DNAJC6: variants seen among roughly 807,000 people sequenced by gnomAD.
DNAJC6 encodes the protein DnaJ heat shock protein family (Hsp40) member C6.
In DNAJC6, 34 loss-of-function variants were observed where a neutral mutation model predicts 110.0. The ratio of observed to expected loss-of-function variants is 0.31; its 90% CI spans 0.24 to 0.41. DNAJC6 has a LOEUF of 0.41. DNAJC6 is among the 10% of genes least tolerant of loss of function. The pLI is 1.00. For missense variants in DNAJC6, 1,031 were observed against 1,207.8 expected, an observed-to-expected ratio of 0.85 and a Z score of 2.17; for synonymous variants, 406 against 437.2, an observed-to-expected ratio of 0.93 and a Z score of 0.89.
chr1:65,357,480 G>T (rs1645554365), intron 1 of DNAJC6, among the ~76,000 whole-genome samples: 1 of 152,280 alleles, frequency 6.6e-6, no homozygotes, highest in East Asian at 1.9e-4. Flanking sequence ...GCCAAGTGTT[G>T]GTTGAATTCT....
exon 1 of DNAJC6, chr1:65,264,819 A>C: frequency 6.4e-7 from 1 of 1,573,786 alleles, no homozygotes; most frequent in Non-Finnish European, 8.6e-7. Context: ...TTCGCCCCCG[A>C]GACCGCTGAC....
Position 65,309,767 on chromosome 1 carries a change from C to G in DNAJC6, c.22C>G (p.Arg8Gly). ...GCCCATGAGCCTCCTCGGGAGCTACCGGAAAAAGACCAGCAACGATGGTTA... is the reference window on the plus strand; with the variant it reads ...GCCCATGAGCCTCCTCGGGAGCTACGGGAAAAAGACCAGCAACGATGGTTA... MSLLGSYRKKTSNDGYES... is the reference protein window; with the variant it reads MSLLGSYGKKTSNDGYES... The change falls in exon 1 of 19, where the codon CGG becomes GGG. Residue 8 changes from arginine (R) to glycine (G), a missense_variant. By Grantham distance (125) the Arg-to-Gly change is moderately radical. Coordinates refer to ENST00000371069, the MANE Select transcript of DNAJC6 (RefSeq NM_001256864.2). The G allele has an allele frequency of 6.5e-7, 1 of 1,547,770 alleles. No individual in the cohort carries two copies. The highest frequency in any genetic ancestry group is 8.7e-7 in the Non-Finnish European group (1 of 1,145,750).
intron 14 of DNAJC6, among the ~76,000 whole-genome samples, chr1:65,399,453 G>A (rs556062791): frequency 4.6e-5 from 7 of 152,138 alleles, no homozygotes; most frequent in Admixed American, 1.3e-4. Context: ...TTAAGTGCAC[G>A]CGTGCACATA....
At chr1:65,401,711 T>G in intron 14 of DNAJC6, 50 bp from the exon 15 acceptor site, 4 of 1,584,316 alleles carry the variant, frequency 2.5e-6, no homozygotes, top group Non-Finnish European at 3.4e-6. Context: ...AATTTCACAA[T>G]TCAGCCTCAA....
Position 65,379,504 on chromosome 1 carries a change from G to A in DNAJC6, c.646G>A (p.Val216Ile). 1.2e-6 allele frequency: 2 copies of A among 1,614,040 alleles called. No homozygotes were observed. Residue 216 changes from valine to isoleucine, a missense_variant, in exon 5 of 19, where the codon GTC becomes ATC. Transcript: ENST00000371069. ...CTGGCTACTGCAGAATCCCAAAAAT[G>A]TCTGTGTTGTCCACTGCTTGGTGAG... ...YNWLLQNPKNVCVVHCLDGRA... is the reference protein window; with the variant it reads ...YNWLLQNPKNICVVHCLDGRA...
chr1:65,360,667 A>C (rs1645588668), intron 1 of DNAJC6, among the ~76,000 whole-genome samples: 1 of 152,210 alleles, frequency 6.6e-6, no homozygotes, highest in Non-Finnish European at 1.5e-5. Context: ...ACAGGGAAAT[A>C]ATGTGCTCTA....
chr1:65,400,329 G>A (rs898127317), intron 14 of DNAJC6, among the ~76,000 whole-genome samples: 2 of 152,190 alleles, frequency 1.3e-5, no homozygotes, highest in African/African-American at 4.8e-5. Context: ...TTTTTGTGGT[G>A]AGAACATTTA....
At chr1:65,310,129 T>G (rs952879985) in intron 1 of DNAJC6, among the ~76,000 whole-genome samples, 191 bp downstream of exon 1, 1 of 149,674 alleles carries the variant, frequency 6.7e-6, no homozygotes, top group Non-Finnish European at 1.5e-5. Flanking sequence ...TACGAAACGT[T>G]AGATCAGTCC....
At chr1:65,378,541 A>T (rs964198825) in intron 4 of DNAJC6, among the ~76,000 whole-genome samples, 1 of 152,214 alleles carries the variant, frequency 6.6e-6, no homozygotes, top group African/African-American at 2.4e-5. Flanking sequence ...AGGCTTAAAG[A>T]GGTTATGAAG....
intron 1 of DNAJC6, chr1:65,265,078 A>G: frequency 2.8e-6 from 2 of 718,114 alleles, no homozygotes; most frequent in Non-Finnish European, 4.5e-6. Flanking sequence ...CTAGTTATAT[A>G]ATAAACATGA....
intron 1 of DNAJC6, among the ~76,000 whole-genome samples, chr1:65,341,545 C>T (rs796603646): frequency 1.3e-5 from 2 of 152,240 alleles, no homozygotes; most frequent in African/African-American, 4.8e-5. Context: ...GGCTGTGACC[C>T]TGGGTTTGTC....
At chr1:65,281,819 A>G (rs1032686332) in intron 1 of DNAJC6, among the ~76,000 whole-genome samples, 3 of 152,098 alleles carry the variant, frequency 2.0e-5, no homozygotes, top group African/African-American at 7.2e-5. Flanking sequence ...TGTGTTAGCC[A>G]GGATGGTCTC....
intron 12 of DNAJC6, among the ~76,000 whole-genome samples, chr1:65,393,160 T>C (rs556209494): frequency 6.6e-6 from 1 of 152,352 alleles, no homozygotes; most frequent in South Asian, 2.1e-4. Flanking sequence ...TTAAACATAC[T>C]GATTGATGAA....
chr1:65,321,518 G>T lies in DNAJC6; in HGVS notation c.193+11580G>T, dbSNP rs74351445. 4.3e-3 allele frequency among the ~76,000 whole-genome samples: 660 copies of T among 152,146 alleles called. 5 individuals are homozygous for T. The highest frequency in any genetic ancestry group is 0.016 in the African/African-American group (645 of 41,502). On this transcript the variant is annotated intron_variant, in intron 1 of 18. Transcript: ENST00000371069. ...AGCCTAAATTTAATTTTTTAAAGAC[G>T]ATTTTTTTTTAAGAGAAGTTTTATG...
intron 1 of DNAJC6, among the ~76,000 whole-genome samples, chr1:65,349,341 CA>C (rs1048497228): frequency 1.3e-5 from 2 of 151,794 alleles, no homozygotes; most frequent in Non-Finnish European, 2.9e-5. Context: ...TTGCTTGCAA[CA>C]GTGATCTTTC....
chr1:65,408,525 G>A (rs777725235), intron 16 of DNAJC6, 116 bp from the exon 17 acceptor site: 43 of 1,160,440 alleles, frequency 3.7e-5, no homozygotes, highest in Non-Finnish European at 4.8e-5. Flanking sequence ...AAGCATGAGG[G>A]TTAAGGACTG....
intron 2 of DNAJC6, 59 bp from the exon 3 acceptor site, chr1:65,365,826 G>C: frequency 6.3e-7 from 1 of 1,579,026 alleles, no homozygotes; most frequent in Non-Finnish European, 8.7e-7. Context: ...GATTGAGAGA[G>C]AGAAATCTTG....
Position 65,392,789 on chromosome 1 carries a change from A to G in DNAJC6, c.1827A>G (p.Gly609=), listed in dbSNP as rs1207023637. The change falls in exon 12 of 19, where the codon GGA becomes GGG. Residue 609 remains glycine, a synonymous_variant. Coordinates refer to ENST00000371069, the MANE Select transcript of DNAJC6 (RefSeq NM_001256864.2). ...TGGAAGATGTGTTTCATCCTAGTGGACCTGCGTCTACCCAGTCAACACCAC... is the reference window on the plus strand; with the variant it reads ...TGGAAGATGTGTTTCATCCTAGTGGGCCTGCGTCTACCCAGTCAACACCAC... ...SGVEDVFHPS[G]PASTQSTPRR... 2 of 1,604,496 alleles carry G rather than the reference A, an allele frequency of 1.2e-6. No homozygotes were observed. The highest frequency in any genetic ancestry group is 2.7e-5 in the African/African-American group (2 of 74,672).
chr1:65,308,990 T>C (rs1645070006), upstream of DNAJC6, among the ~76,000 whole-genome samples: 1 of 152,236 alleles, frequency 6.6e-6, no homozygotes, highest in Non-Finnish European at 1.5e-5. Context: ...TATCCTAGCA[T>C]AGATATATTC....
Sources: allele counts gnomAD v4.1 joint callset (sites outside exome capture counted in the v4.1 genomes callset), GRCh38; gene constraint gnomAD v4.1.1; transcripts MANE v1.5; gene names NCBI Gene and HGNC (gene_info 2026-07-23, HGNC 2026-07-21).